Variants in COA1 observed in about 807,000 individuals in gnomAD.
COA1 encodes the protein cytochrome c oxidase assembly factor 1 homolog.
A neutral mutation model predicts 16.0 loss-of-function variants in COA1; 13 were observed. The ratio of observed to expected loss-of-function variants is 0.81; its 90% CI spans 0.53 to 1.29. The LOEUF (loss-of-function observed/expected upper bound fraction) is 1.29, where lower values mean the gene tolerates loss of function less well. COA1 is among the 50% of genes most tolerant of loss of function. The pLI is 0.00. For missense variants in COA1, 179 were observed against 177.0 expected (o/e 1.01, Z -0.06); for synonymous variants, 65 against 65.7 (o/e 0.99, Z 0.05).
At chr7:43,674,544 T>C (rs1258083210) in intron 1 of COA1, among the ~76,000 whole-genome samples, 1 of 152,172 alleles carries the variant, frequency 6.6e-6, no homozygotes, top group Non-Finnish European at 1.5e-5. Context: ...CCTAAACATA[T>C]AAAACTGCAA....
intron 1 of COA1, among the ~76,000 whole-genome samples, chr7:43,654,965 C>CAA (rs951773207): frequency 1.3e-5 from 2 of 152,060 alleles, no homozygotes; most frequent in Admixed American, 6.6e-5. Context: ...GGAACAAACT[C>CAA]AAGATATTCT....
intron 6 of COA1, chr7:43,623,613 G>C: frequency 1.9e-6 from 3 of 1,611,480 alleles, no homozygotes; most frequent in Non-Finnish European, 2.5e-6. Context: ...CATGGCAACA[G>C]ATATGTGGTA....
intron 1 of COA1, among the ~76,000 whole-genome samples, chr7:43,725,643 A>C (rs2095601460): frequency 6.6e-6 from 1 of 152,154 alleles, no homozygotes; most frequent in Admixed American, 6.6e-5. Context: ...GGATCACCTG[A>C]GGTCAGGAGT....
intron 6 of COA1, among the ~76,000 whole-genome samples, chr7:43,624,322 C>A (rs2084253751): frequency 6.6e-6 from 1 of 152,154 alleles, no homozygotes; most frequent in African/African-American, 2.4e-5. Context: ...AATATTTCAA[C>A]ATTTTCACAA....
intron 1 of COA1, among the ~76,000 whole-genome samples, chr7:43,678,171 A>T (rs1210440650): frequency 6.6e-6 from 1 of 152,256 alleles, no homozygotes; most frequent in East Asian, 1.9e-4. Context: ...AAAGTATTTT[A>T]AAACATCTTT....
At chr7:43,658,010 G>C (rs2091969054) in intron 1 of COA1, among the ~76,000 whole-genome samples, 2 of 151,916 alleles carry the variant, frequency 1.3e-5, no homozygotes. Flanking sequence ...GAGAGACAGA[G>C]TATGACTCTG....
At chr7:43,696,635 A>C (rs551505342) in intron 1 of COA1, among the ~76,000 whole-genome samples, 6 of 152,280 alleles carry the variant, frequency 3.9e-5, no homozygotes, top group African/African-American at 1.4e-4. Context: ...GTAAGGTATG[A>C]TGGTGTGTGT....
chr7:43,676,660 T>C (rs1259044628), intron 1 of COA1, among the ~76,000 whole-genome samples: 1 of 152,150 alleles, frequency 6.6e-6, no homozygotes, highest in Non-Finnish European at 1.5e-5. Context: ...AAGAGGATAC[T>C]GAATGTTCCC....
intron 1 of COA1, among the ~76,000 whole-genome samples, chr7:43,675,366 G>A (rs1238321989): frequency 1.3e-5 from 2 of 151,960 alleles, no homozygotes; most frequent in Admixed American, 6.6e-5. Flanking sequence ...TCACTCATAG[G>A]TGGGAATTGA....
intron 1 of COA1, among the ~76,000 whole-genome samples, chr7:43,685,325 C>T (rs1038807242): frequency 3.9e-4 from 60 of 152,152 alleles, no homozygotes; most frequent in African/African-American, 1.4e-3. Context: ...TGACTTCTCA[C>T]CATCATCTGG....
exon 7 of COA1, chr7:43,609,342 G>C (rs2082670097): frequency 6.6e-6 from 1 of 152,308 alleles, no homozygotes; most frequent in African/African-American, 2.4e-5. Flanking sequence ...GAACCAGTAA[G>C]TGTGCTGGTT....
intron 1 of COA1, among the ~76,000 whole-genome samples, chr7:43,685,038 C>T (rs1481552927): frequency 6.6e-6 from 1 of 151,526 alleles, no homozygotes; most frequent in Admixed American, 6.6e-5. Context: ...AATGCCAATA[C>T]TTTGGGAAAC....
At chr7:43,686,496 C>A (rs950278014) in intron 1 of COA1, among the ~76,000 whole-genome samples, 1 of 151,734 alleles carries the variant, frequency 6.6e-6, no homozygotes, top group African/African-American at 2.4e-5. Flanking sequence ...TTAGTAGAGA[C>A]GGGGTTTCAC....
In COA1 at chr7:43,729,157, G is replaced by A. The variant is rs963088101; in HGVS notation, c.-39+272C>T. On this transcript the variant is annotated intron_variant, in intron 1 of 5. Coordinates refer to ENST00000223336, the MANE Select transcript of COA1 (RefSeq NM_018224.4). The stretch of plus-strand genomic sequence containing the variant: ...TAACTCTTTACAGTGTGCTGTTGGG[G>A]ATGGTCAGCAAAAACTGCAGGACAA... 3.2e-4 allele frequency among the ~76,000 whole-genome samples: 48 copies of A among 152,202 alleles called. 1 individual carries two copies. Among genetic ancestry groups the A allele is most frequent in the Admixed American group, 2.9e-3 (45 of 15,256 alleles).
Position 43,639,489 on chromosome 7 carries a change from G to T in COA1, c.*93C>A. On this transcript the variant is annotated 3_prime_UTR_variant, in exon 6 of 6. Coordinates refer to ENST00000223336, the MANE Select transcript of COA1 (RefSeq NM_018224.4). The stretch of plus-strand genomic sequence containing the variant: ...GGCTGGAAAACTGGGTTGCAGGAGT[G>T]TCTGTCACTGAGATGGGCCACCACC... The T allele has an allele frequency of 2.1e-6, 2 of 966,568 alleles. No homozygotes were observed. Among genetic ancestry groups the T allele is most frequent in the Non-Finnish European group, 3.3e-6 (2 of 607,048 alleles). 59.9% of individuals were successfully genotyped at this position (966,568 alleles called of 1,614,324 possible). A position where few individuals can be genotyped will look rare whatever the true frequency, so the allele number is the denominator to read the frequency against.
At chr7:43,686,896 CCTTA>C (rs368893575) in intron 1 of COA1, among the ~76,000 whole-genome samples, 62 of 152,210 alleles carry the variant, frequency 4.1e-4, no homozygotes, top group African/African-American at 1.5e-3. Context: ...ACTAGCTGTG[CCTTA>C]CTATTGTTTT....
chr7:43,609,913 G>A (rs1563151103), intron 6 of COA1, among the ~76,000 whole-genome samples: 1 of 152,196 alleles, frequency 6.6e-6, no homozygotes, highest in Non-Finnish European at 1.5e-5. Flanking sequence ...TAATGGCAGT[G>A]TTCTCTGACC....
intron 1 of COA1, among the ~76,000 whole-genome samples, chr7:43,697,831 A>G (rs1489122706): frequency 6.6e-6 from 1 of 152,236 alleles, no homozygotes. Context: ...GCACTGCCCT[A>G]CGCAAGGGCT....
intron 3 of COA1, chr7:43,646,813 C>G (rs2089445442): frequency 1.0e-5 from 3 of 289,980 alleles, no homozygotes; most frequent in African/African-American, 6.5e-5. Context: ...GTCTGCTTGT[C>G]TGCTGGTGAC....
Sources: allele counts gnomAD v4.1 joint callset (sites outside exome capture counted in the v4.1 genomes callset), GRCh38; gene constraint gnomAD v4.1.1; transcripts MANE v1.5; gene names NCBI Gene and HGNC (gene_info 2026-07-23, HGNC 2026-07-21).